NSMAF: variants seen among roughly 807,000 people sequenced by gnomAD.
NSMAF encodes protein FAN.
NSMAF carries 90 observed loss-of-function variants against 134.9 expected under a neutral mutation model. The observed-to-expected ratio is 0.67, with a 90% CI of 0.56 to 0.79. NSMAF has a LOEUF of 0.79. NSMAF is among the 30% of genes least tolerant of loss of function. The pLI is 0.00. For synonymous variants in NSMAF, 358 were observed against 389.6 expected, an observed-to-expected ratio of 0.92 and a Z score of 0.96; for missense variants, 1,010 against 1,119.0, an observed-to-expected ratio of 0.90 and a Z score of 1.39.
At chr8:58,618,518 T>C (rs965906378) in intron 9 of NSMAF, among the ~76,000 whole-genome samples, 16 of 152,124 alleles carry the variant, frequency 1.1e-4, no homozygotes, top group African/African-American at 3.9e-4. Context: ...GGGAGAAGTG[T>C]TATGATACCT....
intron 2 of NSMAF, among the ~76,000 whole-genome samples, chr8:58,642,671 C>CA (rs1272840505): frequency 6.6e-6 from 1 of 152,042 alleles, no homozygotes; most frequent in Admixed American, 6.5e-5. Flanking sequence ...AGAATTGGAA[C>CA]AAATGCTTTT....
At chr8:58,585,258 G>A (rs1036511945) in intron 30 of NSMAF, among the ~76,000 whole-genome samples, 1 of 151,298 alleles carries the variant, frequency 6.6e-6, no homozygotes, top group East Asian at 1.9e-4. Flanking sequence ...TGGGAGGTAG[G>A]AGTCAGCGGT....
rs1340677571 is a variant in NSMAF, at chr8:58,602,119, G to T, written c.1064C>A (p.Thr355Asn). The change falls in exon 14 of 31, where the codon ACC (threonine) becomes AAC (asparagine). Residue 355 changes from threonine to asparagine, a missense_variant. Coordinates refer to ENST00000038176, the MANE Select transcript of NSMAF (RefSeq NM_003580.4). ...TACTGGCTTACTGAGATCCCGGAAGGTTCCTGGATTTGACAAATCTATAAA... is the reference window on the plus strand; with the variant it reads ...TACTGGCTTACTGAGATCCCGGAAGTTTCCTGGATTTGACAAATCTATAAA... ...SSELDLSNPG[T>N]FRDLSKPVGA... 1.9e-6 allele frequency: 3 copies of T among 1,612,988 alleles called. No homozygotes were observed. Among genetic ancestry groups the T allele is most frequent in the South Asian group, 1.1e-5 (1 of 91,038 alleles).
chr8:58,604,359 G>A lies in NSMAF; in HGVS notation c.869-973C>T, dbSNP rs575107335. 7.2e-5 allele frequency among the ~76,000 whole-genome samples: 11 copies of A among 151,864 alleles called. No individual in the cohort carries two copies. The East Asian group carries it at 2.1e-3, about 29-fold the overall frequency. ...TGAGATTTTAGGACTCACCATGAAA[G>A]TTGATCTTTTTATTGTAATCTTGTT... is the stretch of plus-strand genomic sequence containing the variant. On this transcript the variant is annotated intron_variant, in intron 12 of 30. Coordinates refer to ENST00000038176, the MANE Select transcript of NSMAF (RefSeq NM_003580.4).
chr8:58,647,140 A>C (rs1197060648), intron 1 of NSMAF, among the ~76,000 whole-genome samples: 1 of 152,242 alleles, frequency 6.6e-6, no homozygotes, highest in Non-Finnish European at 1.5e-5. Context: ...AGTGTAACCC[A>C]AACTTATTGG....
At position 58,656,404 on chromosome 8, in the gene NSMAF, A is replaced by C. The variant is rs113426123; in HGVS notation, c.59+3169T>G. Among the ~76,000 whole-genome samples the C allele has an allele frequency of 8.9e-3, 1,349 of 152,352 alleles. 23 individuals are homozygous for C. The highest frequency in any genetic ancestry group is 0.031 in the African/African-American group (1,269 of 41,588). On this transcript the variant is annotated intron_variant, in intron 1 of 30. Transcript: ENST00000038176. ...CCAAAACATTTATTTATAAACATCA[A>C]CAATAAATGGCACCACTTTATAGTT... is the stretch of plus-strand genomic sequence containing the variant.
At chr8:58,598,834 C>T (rs1290908579) in intron 19 of NSMAF, among the ~76,000 whole-genome samples, 5 of 107,220 alleles carry the variant, frequency 4.7e-5, no homozygotes, top group African/African-American at 6.6e-5. Flanking sequence ...ACCAACCTGG[C>T]CAACATGGTG....
intron 10 of NSMAF, 85 bp from the exon 11 acceptor site, chr8:58,607,925 A>T: frequency 9.2e-7 from 1 of 1,091,744 alleles, no homozygotes; most frequent in Non-Finnish European, 1.4e-6. Context: ...GGGAAAAAAA[A>T]ATCACCAAAT....
At chr8:58,602,170 T>C in intron 13 of NSMAF, 33 bp from the exon 14 acceptor site, 3 of 1,523,860 alleles carry the variant, frequency 2.0e-6, no homozygotes, top group Non-Finnish European at 2.7e-6. Flanking sequence ...AACTTCAGCT[T>C]ATACTTAGTA....
intron 23 of NSMAF, 23 bp from the exon 24 acceptor site, chr8:58,590,957 A>C: frequency 1.3e-6 from 2 of 1,558,974 alleles, no homozygotes; most frequent in Non-Finnish European, 1.7e-6. Context: ...TGAGAAGTAG[A>C]TATATAAGAA....
At chr8:58,588,641 G>A (rs1439599883) in intron 26 of NSMAF, 8 of 1,523,302 alleles carry the variant, frequency 5.3e-6, no homozygotes, top group Middle Eastern at 1.7e-4. Flanking sequence ...ACTATGTTTC[G>A]AATGACGAAT....
At chr8:58,632,247 T>A (rs549650037) in intron 5 of NSMAF, among the ~76,000 whole-genome samples, 1 of 152,180 alleles carries the variant, frequency 6.6e-6, no homozygotes, top group African/African-American at 2.4e-5. Flanking sequence ...CAAACATACT[T>A]CCCCTTAATC....
chr8:58,609,414 C>A (rs1213219533), intron 10 of NSMAF, among the ~76,000 whole-genome samples, 190 bp downstream of exon 10: 1 of 152,146 alleles, frequency 6.6e-6, no homozygotes, highest in African/African-American at 2.4e-5. Flanking sequence ...CAGAAGAACT[C>A]AAACTTCAGA....
chr8:58,651,860 T>C (rs1039428607), intron 1 of NSMAF, among the ~76,000 whole-genome samples: 27 of 152,230 alleles, frequency 1.8e-4, no homozygotes, highest in African/African-American at 6.5e-4. Context: ...GAATGTGCAT[T>C]TCTAACAAGC....
At chr8:58,610,527 G>A (rs750877934) in intron 9 of NSMAF, among the ~76,000 whole-genome samples, 13 of 152,212 alleles carry the variant, frequency 8.5e-5, no homozygotes, top group Admixed American at 6.5e-4. Flanking sequence ...TGGATATACT[G>A]AACAATCTTC....
At position 58,601,352 on chromosome 8, in the gene NSMAF, G is replaced by A; in HGVS notation, c.1217-4C>T. The stretch of plus-strand genomic sequence containing the variant: ...AGGCACAGCATATACTCTGGTGCTA[G>A]AGGGGAAAAAGTCAGAGGTAAGTCA... On this transcript the variant is annotated splice_region_variant and splice_polypyrimidine_tract_variant and intron_variant, in intron 15 of 30. Coordinates refer to ENST00000038176, the MANE Select transcript of NSMAF (RefSeq NM_003580.4). 2 of 1,613,830 alleles carry A rather than the reference G, an allele frequency of 1.2e-6. No homozygotes were observed. The highest frequency in any genetic ancestry group is 1.1e-5 in the South Asian group (1 of 91,072).
intron 2 of NSMAF, chr8:58,640,042 G>A (rs749228237): frequency 2.2e-6 from 1 of 455,472 alleles, no homozygotes; most frequent in South Asian, 1.6e-5. Flanking sequence ...ATTAAAGGGG[G>A]TGGAAGAAAT....
chr8:58,644,068 G>A (rs776543437), intron 1 of NSMAF, among the ~76,000 whole-genome samples: 27 of 152,072 alleles, frequency 1.8e-4, no homozygotes, highest in South Asian at 6.2e-4. Flanking sequence ...TTTTTGTTTT[G>A]TTTTGTGATA....
chr8:58,626,252 C>G (rs900076764), intron 6 of NSMAF, among the ~76,000 whole-genome samples: 1 of 150,028 alleles, frequency 6.7e-6, no homozygotes, highest in Non-Finnish European at 1.5e-5. Context: ...GCACTTGCCT[C>G]GCCCGGCTAA....
Sources: gnomAD v4.1 joint callset for allele counts (sites outside exome capture counted in the v4.1 genomes callset) on GRCh38, gnomAD v4.1.1 for gene constraint, MANE v1.5 for transcripts, NCBI Gene and HGNC (gene_info 2026-07-23, HGNC 2026-07-21) for gene names.